Variants in FAM200B observed in about 807,000 individuals in gnomAD.
FAM200B encodes the protein zinc finger BED-type containing 11, also known as protein FAM200B.
Under a neutral mutation model 33.1 loss-of-function variants are expected in FAM200B, and 32 were observed. That is an observed-to-expected ratio of 0.97 (90% CI 0.73 to 1.30). The LOEUF (loss-of-function observed/expected upper bound fraction) is 1.30, where lower values mean the gene tolerates loss of function less well. Ranked by LOEUF, FAM200B falls within the 50% of genes most tolerant of loss-of-function variation. The probability of loss-of-function intolerance (pLI) is 0.00; values close to 1 mark genes in which losing one functional copy is unlikely to be tolerated. For missense variants in FAM200B, 741 were observed against 754.0 expected (o/e 0.98, Z 0.20); for synonymous variants, 240 against 264.8 (o/e 0.91, Z 0.91).
At chr4:15,668,470 T>C in the FAM200B span, among the ~76,000 whole-genome samples, 1 of 151,072 alleles carries the variant, frequency 6.6e-6, no homozygotes. Flanking sequence ...TATTTTTTTT[T>C]GTACTTGGTT....
At chr4:15,685,452 G>A (rs1003381355) in intron 1 of FAM200B, among the ~76,000 whole-genome samples, 7 of 152,262 alleles carry the variant, frequency 4.6e-5, no homozygotes, top group African/African-American at 9.6e-5. Flanking sequence ...GACTTCGGGC[G>A]TAGGGGATAT....
intron 1 of FAM200B, chr4:15,684,969 G>C (rs933577817): frequency 1.8e-4 from 27 of 152,136 alleles, no homozygotes; most frequent in South Asian, 2.1e-4. Flanking sequence ...GGTACAATCA[G>C]GTACCATATG....
rs1280560834 is a variant in FAM200B at position 15,687,512 on chromosome 4, G to A, written c.535G>A (p.Val179Met). The change falls in exon 2 of 2, where the codon GTG (valine) becomes ATG (methionine). Residue 179 changes from valine to methionine, a missense_variant. Physicochemically the swap from Val to Met is conservative, Grantham distance 21 (BLOSUM62 1). Transcript: ENST00000422728. ...KIILPACLDMVRTIFDDKSAD... is the reference protein window; with the variant it reads ...KIILPACLDMMRTIFDDKSAD... ...TATTCTTCCAGCATGTTTGGATATG[G>A]TGCGTACAATATTTGATGATAAATC... 6 of 1,550,860 alleles carry A rather than the reference G, an allele frequency of 3.9e-6. No homozygotes were observed. Among genetic ancestry groups the A allele is most frequent in the East Asian group, 2.4e-5 (1 of 40,886 alleles).
chr4:15,682,414 C>T (rs751439238), intron 1 of FAM200B, among the ~76,000 whole-genome samples: 72 of 152,212 alleles, frequency 4.7e-4, no homozygotes, highest in Middle Eastern at 6.8e-3. Flanking sequence ...GTGTACTCAC[C>T]ACTGAATTGG....
At chr4:15,665,230 C>G in the FAM200B span, among the ~76,000 whole-genome samples, 1 of 152,066 alleles carries the variant, frequency 6.6e-6, no homozygotes, top group Non-Finnish European at 1.5e-5. Context: ...GTTCCAGTGG[C>G]GGGTTGTTTC....
rs917230169 is a variant in FAM200B at position 15,688,103 on chromosome 4, A to C, written c.1126A>C (p.Asn376His). The C allele has an allele frequency of 1.9e-6, 3 of 1,551,364 alleles. No individual in the cohort carries two copies. Among genetic ancestry groups the C allele is most frequent in the Non-Finnish European group, 2.6e-6 (3 of 1,146,768 alleles). Residue 376 changes from asparagine (N) to histidine (H), a missense_variant, in exon 2 of 2, where the codon AAT becomes CAT. Asn to His is a moderately conservative substitution (Grantham distance 68). Coordinates refer to ENST00000422728, the MANE Select transcript of FAM200B (RefSeq NM_001145191.2). Reference sequence around the variant, plus strand: ...AACATTTTGTTCAGAGATTGGAACTAATCATACCCACTTACTATATCATAC... The same window carrying C: ...AACATTTTGTTCAGAGATTGGAACTCATCATACCCACTTACTATATCATAC... ...LETFCSEIGT[N>H]HTHLLYHTKI...
chr4:15,642,018 ACT>A, the FAM200B span, among the ~76,000 whole-genome samples: 2 of 151,340 alleles, frequency 1.3e-5, no homozygotes, highest in East Asian at 1.9e-4. Context: ...ACAGAGCAAG[ACT>A]CTGTCTTAAA....
At chr4:15,678,435 A>G (rs1476646265), upstream of FAM200B, among the ~76,000 whole-genome samples, 2 of 152,204 alleles carry the variant, frequency 1.3e-5, no homozygotes, top group African/African-American at 4.8e-5. Flanking sequence ...TGTAACGACC[A>G]CTTGATTTTC....
chr4:15,681,421 G>T, upstream of FAM200B: 1 of 173,310 alleles, frequency 5.8e-6, no homozygotes, highest in South Asian at 1.5e-4. Context: ...TGCGCCAACC[G>T]AAAGGCCTCC....
the FAM200B span, among the ~76,000 whole-genome samples, chr4:15,665,848 T>C: frequency 1.5e-4 from 23 of 152,208 alleles, 1 homozygote; most frequent in South Asian, 4.6e-3. Flanking sequence ...AGGAATCCGA[T>C]GATTAGTGTA....
the FAM200B span, among the ~76,000 whole-genome samples, chr4:15,676,561 T>G: frequency 6.6e-6 from 1 of 152,204 alleles, no homozygotes. Flanking sequence ...AAACATTTTT[T>G]GGCAATAATT....
At chr4:15,663,104 A>G in the FAM200B span, among the ~76,000 whole-genome samples, 1 of 152,230 alleles carries the variant, frequency 6.6e-6, no homozygotes, top group Non-Finnish European at 1.5e-5. Context: ...ACAAGTTTAC[A>G]TATGTTTATT....
At chr4:15,684,806 C>T (rs565839083) in intron 1 of FAM200B, 2 of 152,174 alleles carry the variant, frequency 1.3e-5, no homozygotes, top group East Asian at 3.9e-4. Flanking sequence ...ATGTCCTCGA[C>T]AGAGGACATA....
chr4:15,672,441 C>T, the FAM200B span, among the ~76,000 whole-genome samples: 3 of 152,232 alleles, frequency 2.0e-5, no homozygotes, highest in Admixed American at 6.5e-5. Flanking sequence ...CTCCTACACA[C>T]CTAGGCTATA....
chr4:15,658,350 C>T, the FAM200B span, among the ~76,000 whole-genome samples: 1 of 152,206 alleles, frequency 6.6e-6, no homozygotes, highest in Non-Finnish European at 1.5e-5. Context: ...TTAGGAATTG[C>T]TGTGGTTTGA....
At chr4:15,655,423 G>A in the FAM200B span, 2 of 996,036 alleles carry the variant, frequency 2.0e-6, no homozygotes, top group Non-Finnish European at 2.4e-6. Flanking sequence ...CGGCTTGGCC[G>A]GCGGGGACGC....
chr4:15,655,951 G>A, the FAM200B span, among the ~76,000 whole-genome samples: 2 of 152,230 alleles, frequency 1.3e-5, no homozygotes, highest in Non-Finnish European at 2.9e-5. Context: ...CCGGGCGGCA[G>A]CCCACAGCGG....
chr4:15,674,657 T>G, the FAM200B span, among the ~76,000 whole-genome samples: 3 of 151,604 alleles, frequency 2.0e-5, no homozygotes, highest in South Asian at 2.1e-4. Flanking sequence ...TTTTTGGGTT[T>G]TTTTTTTTTT....
At chr4:15,638,999 T>C in the FAM200B span, among the ~76,000 whole-genome samples, 52 of 152,186 alleles carry the variant, frequency 3.4e-4, no homozygotes, top group African/African-American at 1.3e-3. Flanking sequence ...ACGCCATCTC[T>C]ACTAAAAATA....
Sources: allele counts gnomAD v4.1 joint callset (sites outside exome capture counted in the v4.1 genomes callset), GRCh38; gene constraint gnomAD v4.1.1; transcripts MANE v1.5; gene names NCBI Gene and HGNC (gene_info 2026-07-23, HGNC 2026-07-21).